Variants in NPL observed in about 807,000 individuals in gnomAD.
NPL encodes the protein N-acetylneuraminate pyruvate lyase.
In NPL, 32 loss-of-function variants were observed where a neutral mutation model predicts 41.1. That is an observed-to-expected ratio of 0.78 (90% confidence interval 0.59 to 1.05). The LOEUF (loss-of-function observed/expected upper bound fraction) is 1.05, where lower values mean the gene tolerates loss of function less well. NPL is among the 50% of genes least tolerant of loss of function. NPL has a pLI of 0.00. For missense variants in NPL, 321 were observed against 378.4 expected (o/e 0.85, Z 1.26); for synonymous variants, 128 against 134.9 (o/e 0.95, Z 0.35).
chr1:182,806,526 T>C, intron 5 of NPL: 1 of 1,536,230 alleles, frequency 6.5e-7, no homozygotes, highest in Admixed American at 2.0e-5. Context: ...GTCTTTGGGC[T>C]GAAAGGTAAG....
intron 5 of NPL, among the ~76,000 whole-genome samples, chr1:182,811,440 G>A (rs568250403): frequency 1.6e-4 from 24 of 152,092 alleles, no homozygotes; most frequent in African/African-American, 5.8e-4. Flanking sequence ...TGTTGCCCAG[G>A]CTGGTCTTGA....
chr1:182,796,135 C>T lies in NPL; in HGVS notation c.68+1696C>T, dbSNP rs141315317. Among the ~76,000 whole-genome samples, 15 of 133,798 alleles carry T rather than the reference C, an allele frequency of 1.1e-4. No individual in the cohort carries two copies. In the East Asian group the frequency reaches 3.2e-3, roughly 29 times the overall value. 87.8% of individuals were successfully genotyped at this position (133,798 alleles called of 152,430 possible). Reference sequence around the variant, plus strand: ...TTCTCATCAATTCTGCGTTTTTCTTCTAGGAACCTTACTTTCCTAAGGTGT... The same window carrying T: ...TTCTCATCAATTCTGCGTTTTTCTTTTAGGAACCTTACTTTCCTAAGGTGT... On this transcript the variant is annotated intron_variant, in intron 3 of 12. Coordinates refer to ENST00000367553, the MANE Select transcript of NPL (RefSeq NM_030769.3).
intron 3 of NPL, 112 bp downstream of exon 3, chr1:182,794,551 AAAAGGCAGCT>A: frequency 9.4e-7 from 1 of 1,068,238 alleles, no homozygotes; most frequent in East Asian, 2.4e-5. Flanking sequence ...AACTGTTGCC[AAAAGGCAGCT>A]TCTGTCTGTC....
intron 7 of NPL, 81 bp from the exon 8 acceptor site, chr1:182,816,630 TTTC>T (rs1667338964): frequency 1.1e-6 from 1 of 948,644 alleles, no homozygotes; most frequent in African/African-American, 1.6e-5. Context: ...CATGGTTGTG[TTTC>T]ATCAGATGAT....
chr1:182,806,665 C>A, intron 5 of NPL: 1 of 1,010,868 alleles, frequency 9.9e-7, no homozygotes, highest in Non-Finnish European at 1.4e-6. Flanking sequence ...CTCTGTGCAT[C>A]CAACTCAATG....
chr1:182,818,752 A>G (rs749790820), intron 9 of NPL, 61 bp from the exon 10 acceptor site: 4 of 1,613,646 alleles, frequency 2.5e-6, no homozygotes, highest in South Asian at 1.1e-5. Flanking sequence ...GTGTAGCTAT[A>G]TAGTAGCATC....
intron 2 of NPL, 51 bp downstream of exon 2, chr1:182,792,337 G>GCCCTCTCAC (rs1171535902): frequency 6.6e-6 from 1 of 152,182 alleles, no homozygotes; most frequent in Non-Finnish European, 1.5e-5. Flanking sequence ...TCCAGAGCTG[G>GCCCTCTCAC]CCCTCTCACC....
chr1:182,801,294 A>G (rs1265463671), intron 3 of NPL, among the ~76,000 whole-genome samples: 1 of 152,114 alleles, frequency 6.6e-6, no homozygotes, highest in East Asian at 1.9e-4. Flanking sequence ...CCTTTCTTGA[A>G]GGGACAGATA....
intron 10 of NPL, among the ~76,000 whole-genome samples, chr1:182,821,621 C>A (rs1193462625): frequency 2.0e-5 from 3 of 152,256 alleles, no homozygotes; most frequent in South Asian, 4.2e-4. Flanking sequence ...TTATTATCAT[C>A]ATTATTAATA....
chr1:182,812,288 A>G (rs530819200), intron 6 of NPL, 75 bp downstream of exon 6: 2 of 1,286,842 alleles, frequency 1.6e-6, no homozygotes, highest in African/African-American at 2.9e-5. Context: ...AATCAGTACT[A>G]TATTTGCTAT....
In NPL at chr1:182,829,789, G is replaced by T. The variant is rs1045971; in HGVS notation, c.*881G>T. 102,538 of 712,232 alleles carry T rather than the reference G, an allele frequency of 0.14. 13,437 individuals carry two copies. The highest frequency in any genetic ancestry group is 0.55 in the African/African-American group (30,684 of 55,426). 44.1% of individuals were successfully genotyped at this position (712,232 alleles called of 1,614,324 possible). On this transcript the variant is annotated 3_prime_UTR_variant, in exon 13 of 13. Coordinates refer to ENST00000367553, the MANE Select transcript of NPL (RefSeq NM_030769.3). Reference sequence around the variant, plus strand: ...TTATCCTGTCACACTTGCAACTAGTGACTTTTGTTTAGTGATAGAAGATTT... The same window carrying T: ...TTATCCTGTCACACTTGCAACTAGTTACTTTTGTTTAGTGATAGAAGATTT...
At chr1:182,794,986 G>A (rs1381280354) in intron 3 of NPL, among the ~76,000 whole-genome samples, 1 of 152,136 alleles carries the variant, frequency 6.6e-6, no homozygotes, top group Non-Finnish European at 1.5e-5. Context: ...TAGATGTTGG[G>A]CAGCGGGGGA....
chr1:182,827,257 TAC>T (rs1371646082), intron 12 of NPL, among the ~76,000 whole-genome samples: 1 of 152,244 alleles, frequency 6.6e-6, no homozygotes, highest in African/African-American at 2.4e-5. Flanking sequence ...GAAAACAAAT[TAC>T]AGACATTTTA....
chr1:182,813,619 T>G (rs1223653588), intron 6 of NPL, among the ~76,000 whole-genome samples: 1 of 152,222 alleles, frequency 6.6e-6, no homozygotes, highest in African/African-American at 2.4e-5. Flanking sequence ...GACAGTATCA[T>G]CCATTGGACT....
chr1:182,821,242 T>C (rs1178801466), intron 10 of NPL, among the ~76,000 whole-genome samples: 2 of 152,256 alleles, frequency 1.3e-5, no homozygotes. Flanking sequence ...GATACCGACT[T>C]ACTATGAGAG....
chr1:182,826,922 G>T (rs1557955134), intron 12 of NPL: 1 of 152,248 alleles, frequency 6.6e-6, no homozygotes, highest in Middle Eastern at 3.4e-3. Flanking sequence ...CTATGGTAAA[G>T]TTTAATTTAT....
chr1:182,807,062 TCTC>T (rs1250956767), intron 5 of NPL, among the ~76,000 whole-genome samples: 1 of 152,128 alleles, frequency 6.6e-6, no homozygotes, highest in African/African-American at 2.4e-5. Flanking sequence ...ATGGTCTTGA[TCTC>T]CTGATTTCGT....
chr1:182,806,002 A>T (rs1666996322), intron 4 of NPL, 143 bp from the exon 5 acceptor site: 1 of 903,776 alleles, frequency 1.1e-6, no homozygotes, highest in African/African-American at 1.6e-5. Flanking sequence ...AAAAAGATGG[A>T]GTCTGAAGTG....
chr1:182,790,074 C>A (rs565731183), intron 1 of NPL, among the ~76,000 whole-genome samples: 1 of 152,218 alleles, frequency 6.6e-6, no homozygotes, highest in African/African-American at 2.4e-5. Flanking sequence ...AAGGTCCTTT[C>A]CTCAAAATAG....
Sources: allele counts gnomAD v4.1 joint callset (sites outside exome capture counted in the v4.1 genomes callset), GRCh38; gene constraint gnomAD v4.1.1; transcripts MANE v1.5; gene names NCBI Gene and HGNC (gene_info 2026-07-23, HGNC 2026-07-21).